HIGD2B: variants seen among roughly 807,000 people sequenced by gnomAD.
HIGD2B encodes the protein HIG1 hypoxia inducible domain family member 2B.
For synonymous variants in HIGD2B, 45 were observed against 28.1 expected, an observed-to-expected ratio of 1.60 and a Z score of -1.90; for missense variants, 106 against 67.0, an observed-to-expected ratio of 1.58 and a Z score of -2.03.
At position 72,675,973 on chromosome 15, in the gene HIGD2B, G is replaced by A; in HGVS notation, c.*81C>T. On this transcript the variant is annotated 3_prime_UTR_variant, in exon 3 of 3. Transcript: ENST00000311755. Reference sequence around the variant, plus strand: ...GACACAGGGACCTCTCAAAGGAGAGGAGAGAGTAAGTCCCATGGTAGGGCC... The same window carrying A: ...GACACAGGGACCTCTCAAAGGAGAGAAGAGAGTAAGTCCCATGGTAGGGCC... The A allele has an allele frequency of 1.6e-6, 1 of 639,744 alleles. No homozygotes were observed. Among genetic ancestry groups the A allele is most frequent in the South Asian group, 1.8e-5 (1 of 56,034 alleles). The allele number at this position is 639,744 out of a possible 1,614,324, so 39.6% of individuals were successfully genotyped here. A position where few individuals can be genotyped will look rare whatever the true frequency, so the allele number is the denominator to read the frequency against.
rs1208881701 is a variant in HIGD2B, at chr15:72,676,349, G to A, written c.26C>T (p.Pro9Leu). MATLGFVT[P>L]EAPFESSKPP... is the part of the protein sequence containing the mutation. ...CTTCGATGATTCAAAGGGGGCCTCC[G>A]GAGTCACAAAGCCGAGAGTCGCCAT... Residue 9 changes from proline to leucine, a missense_variant, in exon 3 of 3, where the codon CCG becomes CTG. Physicochemically the swap from Pro to Leu is moderately conservative, Grantham distance 98. Coordinates refer to ENST00000311755, the MANE Select transcript of HIGD2B (RefSeq NM_001350932.3). 2.5e-5 allele frequency: 19 copies of A among 760,128 alleles called. No individual in the cohort carries two copies. Among genetic ancestry groups the A allele is most frequent in the Non-Finnish European group, 3.9e-5 (16 of 414,806 alleles). The allele number at this position is 760,128 out of a possible 1,614,324, so 47.1% of individuals were successfully genotyped here.
At chr15:72,683,449 T>C (rs2064770043) in intron 1 of HIGD2B, among the ~76,000 whole-genome samples, 1 of 151,878 alleles carries the variant, frequency 6.6e-6, no homozygotes, top group African/African-American at 2.4e-5. Flanking sequence ...TTTTTTTTTT[T>C]TTTTTTTGAT....
intron 2 of HIGD2B, among the ~76,000 whole-genome samples, chr15:72,677,352 G>A (rs2064703108): frequency 1.3e-5 from 2 of 152,076 alleles, no homozygotes; most frequent in Admixed American, 6.6e-5. Context: ...CTTGAACCCC[G>A]GAGGCGGAGG....
Position 72,675,887 on chromosome 15 carries a change from C to T in HIGD2B, c.*167G>A, listed in dbSNP as rs2064682408. On this transcript the variant is annotated 3_prime_UTR_variant, in exon 3 of 3. Transcript: ENST00000311755. ...ATATGTAACATTCAAACAACAGAAT[C>T]TGGGATTTTTGAAAAAATCTTTCAG... 8.7e-6 allele frequency: 5 copies of T among 577,624 alleles called. No individual in the cohort carries two copies. The highest frequency in any genetic ancestry group is 2.2e-5 in the South Asian group (1 of 44,780). The allele number at this position is 577,624 out of a possible 1,614,324, so 35.8% of individuals were successfully genotyped here.
chr15:72,684,100 T>C (rs549727324), intron 1 of HIGD2B, among the ~76,000 whole-genome samples: 26 of 152,012 alleles, frequency 1.7e-4, no homozygotes, highest in African/African-American at 5.1e-4. Context: ...TCCAGGTTCT[T>C]GGTGTCTTGA....
Position 72,686,127 on chromosome 15 carries a change from C to T in HIGD2B, c.-502G>A. The T allele has an allele frequency of 3.2e-6, 4 of 1,257,114 alleles. No individual in the cohort carries two copies. The highest frequency in any genetic ancestry group is 1.3e-5 in the South Asian group (1 of 78,400). The allele number at this position is 1,257,114 out of a possible 1,614,324, so 77.9% of individuals were successfully genotyped here. A position where few individuals can be genotyped will look rare whatever the true frequency, so the allele number is the denominator to read the frequency against. On this transcript the variant is annotated 5_prime_UTR_variant, in exon 1 of 3. Transcript: ENST00000311755. ...AGGTCACTCGGCGATTTACTTCCTT[C>T]CCCCGCTTCCTCACAGTCCTCCACA... is the stretch of plus-strand genomic sequence containing the variant.
chr15:72,680,033 C>T lies in HIGD2B; in HGVS notation c.-32G>A. On this transcript the variant is annotated 5_prime_UTR_variant, in exon 2 of 3. Transcript: ENST00000311755. ...TACTTACATGGAACAGTGGAAAGTG[C>T]CAACAGAGTTCTCCCGACGAATGTC... The T allele has an allele frequency of 2.1e-6, 1 of 479,862 alleles. No individual in the cohort carries two copies. The highest frequency in any genetic ancestry group is 3.0e-6 in the Non-Finnish European group (1 of 330,486). 29.7% of individuals were successfully genotyped at this position (479,862 alleles called of 1,614,324 possible).
chr15:72,686,092 CT>C lies in HIGD2B; in HGVS notation c.-468del, dbSNP rs2064824374. 10 of 926,742 alleles carry C rather than the reference CT, an allele frequency of 1.1e-5. No individual in the cohort carries two copies. The East Asian group carries it at 1.6e-4, about 15-fold the overall frequency. 57.4% of individuals were successfully genotyped at this position (926,742 alleles called of 1,614,324 possible). The stretch of plus-strand genomic sequence containing the variant: ...TGTGGAGCAGACCCTAATCCTCCCC[CT>C]GATTCCTTAGGTCACTCGGCGATTT... On this transcript the variant is annotated 5_prime_UTR_variant, in exon 1 of 3. Transcript: ENST00000311755.
chr15:72,676,388 C>T lies in HIGD2B; in HGVS notation c.-13-1G>A, dbSNP rs1042223978. On this transcript the variant is annotated splice_acceptor_variant, in intron 2 of 2. Transcript: ENST00000311755. LOFTEE classifies it low-confidence loss of function (5UTR_SPLICE). ...GAGAGTCGCCATGCCTAGGCCACAG[C>T]TGCAGGAGAAAATCCTTTGTTTTTT... 8 of 711,596 alleles carry T rather than the reference C, an allele frequency of 1.1e-5. No homozygotes were observed. Among genetic ancestry groups the T allele is most frequent in the African/African-American group, 1.8e-5 (1 of 55,726 alleles). 44.1% of individuals were successfully genotyped at this position (711,596 alleles called of 1,614,324 possible).
In HIGD2B at chr15:72,680,048, C is replaced by T. The variant is rs549503595; in HGVS notation, c.-47G>A. 346 of 479,656 alleles carry T rather than the reference C, an allele frequency of 7.2e-4. 6 individuals are homozygous for T. The highest frequency in any genetic ancestry group is 2.7e-3 in the Admixed American group (68 of 25,426). 29.7% of individuals were successfully genotyped at this position (479,656 alleles called of 1,614,324 possible). A position where few individuals can be genotyped will look rare whatever the true frequency, so the allele number is the denominator to read the frequency against. On this transcript the variant is annotated 5_prime_UTR_variant, in exon 2 of 3. Coordinates refer to ENST00000311755, the MANE Select transcript of HIGD2B (RefSeq NM_001350932.3). ...GTGGAAAGTGCCAACAGAGTTCTCCCGACGAATGTCTTCATATTCCTCATA... is the reference window on the plus strand; with the variant it reads ...GTGGAAAGTGCCAACAGAGTTCTCCTGACGAATGTCTTCATATTCCTCATA...
intron 2 of HIGD2B, among the ~76,000 whole-genome samples, chr15:72,678,828 T>A (rs1194725726): frequency 1.3e-5 from 2 of 151,612 alleles, no homozygotes; most frequent in East Asian, 2.0e-4. Flanking sequence ...CAAAACCCCA[T>A]CTCTACAAAA....
chr15:72,681,594 C>A (rs1380240699), intron 1 of HIGD2B, among the ~76,000 whole-genome samples: 3 of 149,806 alleles, frequency 2.0e-5, no homozygotes, highest in Admixed American at 6.7e-5. Flanking sequence ...TTACCTTGAA[C>A]CAAAATTTTT....
intron 1 of HIGD2B, 107 bp from the exon 2 acceptor site, chr15:72,680,300 A>G (rs2064735650): frequency 6.6e-6 from 1 of 152,558 alleles, no homozygotes; most frequent in Non-Finnish European, 1.5e-5. Context: ...ATCAAAAACT[A>G]TTCTGACTTC....
intron 1 of HIGD2B, among the ~76,000 whole-genome samples, chr15:72,684,184 C>T (rs1231269923): frequency 6.6e-6 from 1 of 152,128 alleles, no homozygotes; most frequent in Non-Finnish European, 1.5e-5. Context: ...AAGTACACTC[C>T]AGTGTGGGAG....
At chr15:72,680,707 C>T (rs979574374) in intron 1 of HIGD2B, among the ~76,000 whole-genome samples, 1 of 152,084 alleles carries the variant, frequency 6.6e-6, no homozygotes. Flanking sequence ...GCAAACATGG[C>T]AAAAACCTGT....
At chr15:72,683,295 TA>T (rs1290396183) in intron 1 of HIGD2B, among the ~76,000 whole-genome samples, 1 of 152,162 alleles carries the variant, frequency 6.6e-6, no homozygotes, top group Non-Finnish European at 1.5e-5. Flanking sequence ...TCAGCAGAAC[TA>T]AAGGGTAACT....
At position 72,675,865 on chromosome 15, in the gene HIGD2B, T is replaced by C. The variant is rs2064682275; in HGVS notation, c.*189A>G. On this transcript the variant is annotated 3_prime_UTR_variant, in exon 3 of 3. Transcript: ENST00000311755. ...GGAAGATGTGGCACAAATAGAAATA[T>C]GTAACATTCAAACAACAGAATCTGG... 1 of 572,546 alleles carries C rather than the reference T, an allele frequency of 1.7e-6. No individual in the cohort carries two copies. The highest frequency in any genetic ancestry group is 2.3e-5 in the South Asian group (1 of 43,704). The allele number at this position is 572,546 out of a possible 1,614,324, so 35.5% of individuals were successfully genotyped here.
intron 1 of HIGD2B, among the ~76,000 whole-genome samples, chr15:72,684,869 T>C (rs1450975714): frequency 6.6e-6 from 1 of 152,044 alleles, no homozygotes; most frequent in East Asian, 1.9e-4. Context: ...CTGCAACCTC[T>C]GCCGCTTGGG....
chr15:72,677,335 A>T (rs1327055547), intron 2 of HIGD2B, among the ~76,000 whole-genome samples: 1 of 152,166 alleles, frequency 6.6e-6, no homozygotes, highest in Non-Finnish European at 1.5e-5. Context: ...CTGAGGCAGG[A>T]GAATCGCTTG....
Sources: gnomAD v4.1 joint callset for allele counts (sites outside exome capture counted in the v4.1 genomes callset) on GRCh38, gnomAD v4.1.1 for gene constraint, MANE v1.5 for transcripts, NCBI Gene and HGNC (gene_info 2026-07-23, HGNC 2026-07-21) for gene names.